Variants in UNC5A observed in about 807,000 individuals in gnomAD.
UNC5A encodes the protein unc-5 netrin receptor A, also known as netrin receptor UNC5A.
A neutral mutation model predicts 87.4 loss-of-function variants in UNC5A; 20 were observed. The ratio of observed to expected loss-of-function variants is 0.23; its 90% CI spans 0.16 to 0.33. The LOEUF (loss-of-function observed/expected upper bound fraction) is 0.33, where lower values mean the gene tolerates loss of function less well. Among genes scored for constraint, UNC5A ranks in the 10% least tolerant of loss-of-function variants. The pLI, the probability that UNC5A is intolerant of heterozygous loss-of-function variation, is 1.00. For missense variants in UNC5A, 844 were observed against 1,133.4 expected (o/e 0.74, Z 3.67); for synonymous variants, 438 against 482.3 (o/e 0.91, Z 1.20).
chr5:176,836,613 C>T (rs899961709), intron 1 of UNC5A, among the ~76,000 whole-genome samples: 6 of 151,918 alleles, frequency 3.9e-5, no homozygotes, highest in African/African-American at 1.5e-4. Context: ...CAGCCTCAAT[C>T]AGAGAGAGGC....
chr5:176,873,313 T>C (rs543819471), intron 6 of UNC5A, among the ~76,000 whole-genome samples: 2 of 152,174 alleles, frequency 1.3e-5, no homozygotes, highest in African/African-American at 4.8e-5. Flanking sequence ...TAAAGATCTC[T>C]GTTGGATTTT....
Position 176,862,604 on chromosome 5 carries a change from C to A in UNC5A, c.71-20C>A, listed in dbSNP as rs1352515109. Reference sequence around the variant, plus strand: ...CCCAGTCTGGCCCCTGGCTCACCTTCCCCCTCTGCCCTGCCGCAGGTGCCC... The same window carrying A: ...CCCAGTCTGGCCCCTGGCTCACCTTACCCCTCTGCCCTGCCGCAGGTGCCC... On this transcript the variant is annotated intron_variant, in intron 1 of 14. Transcript: ENST00000329542. 6.2e-7 allele frequency: 1 copy of A among 1,611,066 alleles called. No homozygotes were observed. Among genetic ancestry groups the A allele is most frequent in the South Asian group, 1.1e-5 (1 of 90,982 alleles).
Position 176,874,581 on chromosome 5 carries a change from A to G in UNC5A, c.1378+15A>G. The G allele has an allele frequency of 6.6e-7, 1 of 1,510,972 alleles. No homozygotes were observed. The highest frequency in any genetic ancestry group is 8.9e-7 in the Non-Finnish European group (1 of 1,126,118). The allele number at this position is 1,510,972 out of a possible 1,614,324, so 93.6% of individuals were successfully genotyped here. A position where few individuals can be genotyped will look rare whatever the true frequency, so the allele number is the denominator to read the frequency against. ...CCCTAATACAGGTAGGAAGGACCCC[A>G]GGGGGCTCTGAGAGCTCCACTTCCC... On this transcript the variant is annotated intron_variant, in intron 8 of 14. Coordinates refer to ENST00000329542, the MANE Select transcript of UNC5A (RefSeq NM_133369.3). The surrounding 1 kb of genome is among the most constrained non-coding windows in gnomAD (Gnocchi z 7.6).
intron 3 of UNC5A, 89 bp from the exon 4 acceptor site, chr5:176,868,472 C>T: frequency 6.8e-7 from 1 of 1,477,794 alleles, no homozygotes; most frequent in Non-Finnish European, 9.2e-7. Context: ...TGCCATGTGC[C>T]ACGGCCCCTG....
intron 1 of UNC5A, among the ~76,000 whole-genome samples, chr5:176,830,218 C>T (rs969363825): frequency 5.3e-5 from 8 of 152,314 alleles, no homozygotes; most frequent in African/African-American, 1.7e-4. Context: ...TGTTGCCAGT[C>T]GTCTTGGCTG....
intron 1 of UNC5A, among the ~76,000 whole-genome samples, chr5:176,828,797 C>CTGGGTGGA (rs1346705562): frequency 3.3e-5 from 5 of 151,100 alleles, no homozygotes; most frequent in South Asian, 2.1e-4. Context: ...GATTGGATGG[C>CTGGGTGGA]TGGGTGGATG....
At position 176,834,751 on chromosome 5, in the gene UNC5A, T is replaced by C. The variant is rs144117939; in HGVS notation, c.70+23931T>C. ...TCCTCTCCCTCTCCCTCTCCCTCTC[T>C]CTCTCCCTTTCCCTGGGTCGCTGCA... On this transcript the variant is annotated intron_variant, in intron 1 of 14. Coordinates refer to ENST00000329542, the MANE Select transcript of UNC5A (RefSeq NM_133369.3). 7.5e-3 allele frequency among the ~76,000 whole-genome samples: 1,135 copies of C among 151,074 alleles called. 15 individuals carry two copies. The highest frequency in any genetic ancestry group is 0.027 in the African/African-American group (1,095 of 41,086).
Position 176,877,282 on chromosome 5 carries a change from G to A in UNC5A, c.1466+3G>A, listed in dbSNP as rs747516566. The A allele has an allele frequency of 4.3e-6, 7 of 1,610,940 alleles. No homozygotes were observed. The Admixed American group carries it at 1.2e-4, about 27-fold the overall frequency. On this transcript the variant is annotated splice_donor_region_variant and intron_variant, in intron 9 of 14. Transcript: ENST00000329542. ...CTGCACAAGCCGGAAGACGTGAGGT[G>A]TGGCCGCGGGCCCTGTTGCCGGGGG...
intron 1 of UNC5A, among the ~76,000 whole-genome samples, chr5:176,853,150 A>T (rs544254082): frequency 2.0e-5 from 3 of 152,338 alleles, no homozygotes; most frequent in Admixed American, 1.3e-4. Flanking sequence ...CAGTGGGGTG[A>T]GTGCAGAGCA....
In UNC5A at chr5:176,878,832, G is replaced by A. The variant is rs149962658; in HGVS notation, c.2184+193G>A. ...AGACAGGGAGGCACAGGTGCAAATG[G>A]GACTTGGGGAGGGGAGTGCAGGGGA... On this transcript the variant is annotated intron_variant, in intron 13 of 14. Coordinates refer to ENST00000329542, the MANE Select transcript of UNC5A (RefSeq NM_133369.3). Among the ~76,000 whole-genome samples, 489 of 152,286 alleles carry A rather than the reference G, an allele frequency of 3.2e-3. 3 individuals carry two copies. The highest frequency in any genetic ancestry group is 0.011 in the African/African-American group (457 of 41,550).
chr5:176,839,493 AG>A (rs1757221032), intron 1 of UNC5A, among the ~76,000 whole-genome samples: 1 of 152,248 alleles, frequency 6.6e-6, no homozygotes, highest in Non-Finnish European at 1.5e-5. Context: ...GAGCCCAGGC[AG>A]GCCAGGAGGG....
rs528508381 is a variant in UNC5A at position 176,845,310 on chromosome 5, C to T, written c.71-17314C>T. 8.9e-4 allele frequency among the ~76,000 whole-genome samples: 135 copies of T among 152,366 alleles called. 1 individual carries two copies. The highest frequency in any genetic ancestry group is 2.9e-3 in the African/African-American group (119 of 41,586). On this transcript the variant is annotated intron_variant, in intron 1 of 14. Transcript: ENST00000329542. Reference sequence around the variant, plus strand: ...GTCTTCTGCCGCCCCTGCTTCCCCACGCTCAGTGTCCTGGCACGGATCCAA... The same window carrying T: ...GTCTTCTGCCGCCCCTGCTTCCCCATGCTCAGTGTCCTGGCACGGATCCAA...
intron 2 of UNC5A, 134 bp from the exon 3 acceptor site, chr5:176,867,996 T>TA: frequency 1.5e-6 from 1 of 660,226 alleles, no homozygotes; most frequent in Non-Finnish European, 2.1e-6. Flanking sequence ...ATAATAATAA[T>TA]AAAATTTAAA....
At chr5:176,860,656 C>A (rs1263936233) in intron 1 of UNC5A, among the ~76,000 whole-genome samples, 1 of 152,202 alleles carries the variant, frequency 6.6e-6, no homozygotes, top group Non-Finnish European at 1.5e-5. Flanking sequence ...GTCCCACCCC[C>A]CAGCGTCGCC....
chr5:176,877,605 A>T lies in UNC5A; in HGVS notation c.1537A>T (p.Thr513Ser), dbSNP rs143892682. ...VSCGPPGVLL[T>S]RPVILAMDHC... is the part of the protein sequence containing the mutation. ...CTGTGGACCCCCTGGCGTCCTGCTC[A>T]CCCGGCCAGTCATCCTGGCTATGGA... The change falls in exon 10 of 15, where the codon ACC becomes TCC. Residue 513 changes from threonine (T) to serine (S), a missense_variant. Thr to Ser is a moderately conservative substitution (Grantham distance 58). Around this residue, in one of 3 missense-constraint regions of UNC5A, gnomAD observed 353 missense variants for 387.5 expected, o/e 0.91. Coordinates refer to ENST00000329542, the MANE Select transcript of UNC5A (RefSeq NM_133369.3). 2.3e-5 allele frequency: 37 copies of T among 1,612,132 alleles called. No homozygotes were observed. The African/African-American group carries it at 4.1e-4, about 18-fold the overall frequency.
intron 1 of UNC5A, among the ~76,000 whole-genome samples, chr5:176,828,516 C>T (rs79658341): frequency 3.9e-5 from 6 of 152,082 alleles, no homozygotes; most frequent in South Asian, 2.1e-4. Flanking sequence ...AAGCCTCAGC[C>T]CCCCCATCTT....
chr5:176,864,306 C>A, intron 2 of UNC5A, among the ~76,000 whole-genome samples: 1 of 152,178 alleles, frequency 6.6e-6, no homozygotes, highest in East Asian at 1.9e-4. Flanking sequence ...AACCCCGGGG[C>A]AGGCAGCAGT....
intron 1 of UNC5A, among the ~76,000 whole-genome samples, chr5:176,823,184 G>A (rs1447543942): frequency 3.5e-5 from 5 of 144,688 alleles, no homozygotes; most frequent in East Asian, 4.2e-4. Flanking sequence ...GTGGGGGGGC[G>A]AGGGAGGGGG....
At chr5:176,858,799 G>A (rs1426832313) in intron 1 of UNC5A, among the ~76,000 whole-genome samples, 3 of 151,212 alleles carry the variant, frequency 2.0e-5, no homozygotes, top group Non-Finnish European at 3.0e-5. Flanking sequence ...AGGGAGGGAG[G>A]GAGGGAAGGA....
Sources: allele counts gnomAD v4.1 joint callset (sites outside exome capture counted in the v4.1 genomes callset), GRCh38; gene constraint gnomAD v4.1.1; regional missense constraint gnomAD v4.1.1; non-coding constraint Gnocchi (gnomAD v3.1); transcripts MANE v1.5; gene names NCBI Gene and HGNC (gene_info 2026-07-23, HGNC 2026-07-21).